The following WDR81 variants were observed in gnomAD, a reference collection of about 807,000 sequenced individuals.
WDR81 encodes the protein WD repeat domain 81.
Under a neutral mutation model 140.8 loss-of-function variants are expected in WDR81, and 92 were observed. The observed-to-expected ratio is 0.65, with a 90% CI of 0.55 to 0.78. The LOEUF is 0.78. Ranked by LOEUF, WDR81 falls within the 30% of genes least tolerant of loss-of-function variation. The probability of loss-of-function intolerance (pLI) is 0.00; values close to 1 mark genes in which losing one functional copy is unlikely to be tolerated. For missense variants in WDR81, 2,502 were observed against 2,636.4 expected, an observed-to-expected ratio of 0.95 and a Z score of 1.12; for synonymous variants, 1,183 against 1,156.4, an observed-to-expected ratio of 1.02 and a Z score of -0.47.
chr17:1,728,008 G>A lies in WDR81; in HGVS notation c.3049G>A (p.Ala1017Thr). ...HVLQVLAGAEASQEESKDLAG... is the reference protein window; with the variant it reads ...HVLQVLAGAETSQEESKDLAG... ...CCTGCAGGTGCTGGCGGGCGCAGAGGCCTCCCAGGAGGAGAGCAAGGACCT... is the reference window on the plus strand; with the variant it reads ...CCTGCAGGTGCTGGCGGGCGCAGAGACCTCCCAGGAGGAGAGCAAGGACCT... Residue 1017 changes from alanine to threonine, a missense_variant, in exon 1 of 10, where the codon GCC becomes ACC. By Grantham distance (58) the Ala-to-Thr change is moderately conservative (BLOSUM62 0). This residue lies in a region of WDR81 where 1,737 missense variants were observed against 1,843.0 expected (regional missense o/e 0.94). Coordinates refer to ENST00000409644, the MANE Select transcript of WDR81 (RefSeq NM_001163809.2). 6.4e-7 allele frequency: 1 copy of A among 1,551,862 alleles called. No homozygotes were observed. Among genetic ancestry groups the A allele is most frequent in the Non-Finnish European group, 8.7e-7 (1 of 1,147,896 alleles).
chr17:1,725,802 T>TG lies in WDR81; in HGVS notation c.847dup (p.Ala283GlyfsTer11), dbSNP rs935394598. On this transcript the variant is annotated frameshift_variant, in exon 1 of 10. Transcript: ENST00000409644. LOFTEE classifies it high-confidence loss of function. The stretch of plus-strand genomic sequence containing the variant: ...CCTGTCACCGCCAGGGGCTGGCGTG[T>TG]GGGGCCCTGTCTTTGTATCACATCG... The TG allele has an allele frequency of 3.2e-6, 5 of 1,550,490 alleles. No homozygotes were observed. The African/African-American group carries it at 5.5e-5, about 17-fold the overall frequency.
upstream of WDR81, among the ~76,000 whole-genome samples, chr17:1,722,147 G>A (rs1914899655): frequency 6.6e-6 from 1 of 152,002 alleles, no homozygotes; most frequent in Non-Finnish European, 1.5e-5. Flanking sequence ...TTCTTAAAAG[G>A]GGTGGTGAGG....
chr17:1,736,182 C>G lies in WDR81; in HGVS notation c.5469C>G (p.Gly1823=). 6.3e-7 allele frequency: 1 copy of G among 1,599,422 alleles called. No homozygotes were observed. Among genetic ancestry groups the G allele is most frequent in the African/African-American group, 1.3e-5 (1 of 75,038 alleles). ...LDTRTGLVLR[G]WPAHEGDILQ... The stretch of plus-strand genomic sequence containing the variant: ...CCCGCACAGGCCTGGTTCTGCGAGG[C>G]TGGCCAGCCCACGAGGGGGACATTC... The change falls in exon 9 of 10, where the codon GGC becomes GGG. Residue 1823 remains glycine (G), a synonymous_variant. Transcript: ENST00000409644.
chr17:1,731,966 G>A (rs953476339), intron 4 of WDR81, among the ~76,000 whole-genome samples: 1 of 147,230 alleles, frequency 6.8e-6, no homozygotes, highest in Admixed American at 6.8e-5. Context: ...GGGTGCTGTG[G>A]CTCATGCCTG....
rs1464932703 is a variant in WDR81 at position 1,725,710 on chromosome 17, G to A, written c.751G>A (p.Ala251Thr). Residue 251 changes from alanine (A) to threonine (T), a missense_variant, in exon 1 of 10, where the codon GCC becomes ACC. By Grantham distance (58) the Ala-to-Thr change is moderately conservative. This residue lies in a region of WDR81 where 547 missense variants were observed against 513.8 expected (regional missense o/e 1.06). Transcript: ENST00000409644. The part of the protein sequence containing the change: ...SLHDVVTFSP[A>T]KLTNSQAKVL... ...ACATGACGTGGTCACCTTCAGCCCTGCCAAGCTGACCAACAGCCAGGCCAA... is the reference window on the plus strand; with the variant it reads ...ACATGACGTGGTCACCTTCAGCCCTACCAAGCTGACCAACAGCCAGGCCAA... 6 of 1,550,094 alleles carry A rather than the reference G, an allele frequency of 3.9e-6. No homozygotes were observed. The Admixed American group carries it at 5.9e-5, about 15-fold the overall frequency.
Position 1,725,049 on chromosome 17 carries a change from G to C in WDR81, c.90G>C (p.Leu30=). The C allele has an allele frequency of 6.7e-7, 1 of 1,481,912 alleles. No individual in the cohort carries two copies. The highest frequency in any genetic ancestry group is 9.0e-7 in the Non-Finnish European group (1 of 1,117,066). The allele number at this position is 1,481,912 out of a possible 1,614,324, so 91.8% of individuals were successfully genotyped here. The change falls in exon 1 of 10, where the codon CTG becomes CTC. Residue 30 remains leucine, a synonymous_variant. Transcript: ENST00000409644. The part of the protein sequence containing the change: ...HSPPSPDMQE[L]LRSVERDLSI... ...CGCCAAGCCCAGACATGCAGGAGCT[G>C]CTCCGGAGCGTGGAGAGGGACCTGA...
Position 1,726,260 on chromosome 17 carries a change from C to G in WDR81, c.1301C>G (p.Pro434Arg). ...FVAGGAGGGEPPHVPHHISDV... is the reference protein window; with the variant it reads ...FVAGGAGGGERPHVPHHISDV... ...GCAGGCGGGGCGGGCGGCGGGGAAC[C>G]CCCTCATGTTCCCCACCACATCTCA... is the stretch of plus-strand genomic sequence containing the variant. The change falls in exon 1 of 10, where the codon CCC (proline) becomes CGC (arginine). Residue 434 changes from proline to arginine, a missense_variant. By Grantham distance (103) the Pro-to-Arg change is moderately radical. Transcript: ENST00000409644. 6.5e-7 allele frequency: 1 copy of G among 1,536,668 alleles called. No homozygotes were observed. Among genetic ancestry groups the G allele is most frequent in the Non-Finnish European group, 8.8e-7 (1 of 1,138,972 alleles).
intron 1 of WDR81, among the ~76,000 whole-genome samples, chr17:1,730,003 A>AAAAAG (rs1555563756): frequency 2.1e-5 from 3 of 145,076 alleles, no homozygotes; most frequent in Non-Finnish European, 4.5e-5. Context: ...AAAAAAAAAA[A>AAAAAG]AAGAAGAAGA....
chr17:1,729,329 A>C (rs1231878375), intron 1 of WDR81, among the ~76,000 whole-genome samples: 1 of 151,824 alleles, frequency 6.6e-6, no homozygotes, highest in Non-Finnish European at 1.5e-5. Context: ...AAAATACAAA[A>C]ATTAGCCAGG....
chr17:1,723,388 G>C (rs61445716), upstream of WDR81, among the ~76,000 whole-genome samples: 1 of 147,080 alleles, frequency 6.8e-6, no homozygotes, highest in Non-Finnish European at 1.5e-5. Context: ...CCAGGGTTTC[G>C]TTTTATTTTT....
Position 1,730,826 on chromosome 17 carries a change from A to G in WDR81, c.3847A>G (p.Lys1283Glu), listed in dbSNP as rs1915649241. The change falls in exon 3 of 10, where the codon AAG becomes GAG. Residue 1283 changes from lysine (K) to glutamate (E), a missense_variant. Lys to Glu is a moderately conservative substitution (Grantham distance 56). Coordinates refer to ENST00000409644, the MANE Select transcript of WDR81 (RefSeq NM_001163809.2). ...GCTGAGCGCCGGCAACATCTACCAG[A>G]AGAGGCCGGTCCTGGGCGACATCGT... ...PPLSAGNIYQ[K>E]RPVLGDIVSG... 1 of 1,612,696 alleles carries G rather than the reference A, an allele frequency of 6.2e-7. No homozygotes were observed. The highest frequency in any genetic ancestry group is 8.5e-7 in the Non-Finnish European group (1 of 1,179,958).
rs990125538 is a variant in WDR81 at position 1,727,382 on chromosome 17, C to T, written c.2423C>T (p.Thr808Met). 27 of 1,550,212 alleles carry T rather than the reference C, an allele frequency of 1.7e-5. No homozygotes were observed. The highest frequency in any genetic ancestry group is 2.0e-5 in the Non-Finnish European group (23 of 1,146,974). The change falls in exon 1 of 10, where the codon ACG (threonine) becomes ATG (methionine). Residue 808 changes from threonine to methionine, a missense_variant. Transcript: ENST00000409644. ...VRFQAVRGLC[T>M]RHPKEVPVSL... is the part of the protein sequence containing the mutation. ...TTCCAGGCTGTCCGAGGGCTCTGCA[C>T]GCGCCACCCCAAGGAGGTCCCTGTG... is the stretch of plus-strand genomic sequence containing the variant.
intron 2 of WDR81, 64 bp downstream of exon 2, chr17:1,730,551 G>T: frequency 6.6e-7 from 1 of 1,518,044 alleles, no homozygotes. Context: ...CCTAGCTTCA[G>T]CGCTCTCCGG....
chr17:1,737,536 G>C lies in WDR81; in HGVS notation c.5677G>C (p.Val1893Leu). ...VTGTVSNKIG[V>L]CSLLEPPSQA... Reference sequence around the variant, plus strand: ...TGGCACCGTGTCCAACAAGATTGGCGTCTGCTCCCTGCTTGAGCCACCCTC... The same window carrying C: ...TGGCACCGTGTCCAACAAGATTGGCCTCTGCTCCCTGCTTGAGCCACCCTC... Residue 1893 changes from valine to leucine, a missense_variant, in exon 10 of 10, where the codon GTC becomes CTC. Physicochemically the swap from Val to Leu is conservative, Grantham distance 32. This residue lies in a region of WDR81 where 1,737 missense variants were observed against 1,843.0 expected (regional missense o/e 0.94). Coordinates refer to ENST00000409644, the MANE Select transcript of WDR81 (RefSeq NM_001163809.2). 6.2e-7 allele frequency: 1 copy of C among 1,613,050 alleles called. No individual in the cohort carries two copies. The highest frequency in any genetic ancestry group is 8.5e-7 in the Non-Finnish European group (1 of 1,180,008).
upstream of WDR81, among the ~76,000 whole-genome samples, chr17:1,723,195 T>C (rs934384007): frequency 3.3e-5 from 5 of 152,086 alleles, no homozygotes; most frequent in African/African-American, 1.2e-4. Context: ...GCTGTCTGGT[T>C]TCTATTCCAT....
chr17:1,731,313 A>C, intron 4 of WDR81, 55 bp downstream of exon 4: 1 of 1,564,320 alleles, frequency 6.4e-7, no homozygotes, highest in Non-Finnish European at 8.7e-7. Flanking sequence ...GGGGCTGCCC[A>C]GGAGGGGGTG....
At chr17:1,730,109 T>C (rs573096411) in intron 1 of WDR81, among the ~76,000 whole-genome samples, 2 of 152,028 alleles carry the variant, frequency 1.3e-5, no homozygotes, top group African/African-American at 4.8e-5. Context: ...GGCCAGGCCT[T>C]GTTAAGGAGT....
rs759169049 is a variant in WDR81, at chr17:1,736,057, G to A, written c.5344G>A (p.Gly1782Ser). Residue 1782 changes from glycine (G) to serine (S), a missense_variant, in exon 9 of 10, where the codon GGT becomes AGT. Gly to Ser is a moderately conservative substitution (Grantham distance 56). Around this residue, in one of 3 missense-constraint regions of WDR81, gnomAD observed 1,737 missense variants for 1,843.0 expected, o/e 0.94. Transcript: ENST00000409644. ...PGLQHEFRLG[G>S]GLNPGLVRAL... ...CCTGCAGCACGAGTTCCGACTGGGC[G>A]GTGGGCTGAACCCTGGGCTTGTCCG... 6.3e-5 allele frequency: 101 copies of A among 1,599,312 alleles called. No individual in the cohort carries two copies. Among genetic ancestry groups the A allele is most frequent in the Middle Eastern group, 3.3e-4 (2 of 5,996 alleles).
chr17:1,724,888 AC>A lies in WDR81; in HGVS notation c.-68del. On this transcript the variant is annotated 5_prime_UTR_variant, in exon 1 of 10. Transcript: ENST00000409644. Reference sequence around the variant, plus strand: ...CCCATCCCAGCCCCGCCGGCCTGGCACCCCGGAAGCCGTCGCCAGCAGGGCC... The same window carrying A: ...CCCATCCCAGCCCCGCCGGCCTGGCACCCGGAAGCCGTCGCCAGCAGGGCC... The A allele has an allele frequency of 7.8e-7, 1 of 1,274,426 alleles. No individual in the cohort carries two copies. The highest frequency in any genetic ancestry group is 9.9e-7 in the Non-Finnish European group (1 of 1,012,778). 78.9% of individuals were successfully genotyped at this position (1,274,426 alleles called of 1,614,324 possible).
Sources: allele counts gnomAD v4.1 joint callset (sites outside exome capture counted in the v4.1 genomes callset), GRCh38; gene constraint gnomAD v4.1.1; regional missense constraint gnomAD v4.1.1; transcripts MANE v1.5; gene names NCBI Gene and HGNC (gene_info 2026-07-23, HGNC 2026-07-21).